Variants in SPAG16 observed in about 807,000 individuals in gnomAD.
SPAG16 encodes the protein sperm associated antigen 16.
Under a neutral mutation model 80.4 loss-of-function variants are expected in SPAG16, and 86 were observed. The ratio of observed to expected loss-of-function variants is 1.07; its 90% CI spans 0.90 to 1.28. The LOEUF (loss-of-function observed/expected upper bound fraction) is 1.28, where lower values mean the gene tolerates loss of function less well. SPAG16 is among the 50% of genes most tolerant of loss of function. The pLI is 0.00. For synonymous variants in SPAG16, 294 were observed against 265.9 expected (o/e 1.11, Z -1.03); for missense variants, 870 against 765.3 (o/e 1.14, Z -1.61).
chr2:213,418,456 T>G (rs918212080), intron 9 of SPAG16, among the ~76,000 whole-genome samples: 6 of 152,224 alleles, frequency 3.9e-5, no homozygotes, highest in Admixed American at 6.5e-5. Context: ...TATCATATTT[T>G]ACATTCTCAT....
intron 15 of SPAG16, among the ~76,000 whole-genome samples, chr2:214,347,808 G>A (rs1286817804): frequency 6.6e-6 from 1 of 152,084 alleles, no homozygotes; most frequent in African/African-American, 2.4e-5. Context: ...ATGAAAAGAG[G>A]CATTTGAACT....
At chr2:214,026,508 A>G (rs564199793) in intron 13 of SPAG16, among the ~76,000 whole-genome samples, 142 of 151,742 alleles carry the variant, frequency 9.4e-4, no homozygotes, top group African/African-American at 3.2e-3. Context: ...GGACACACGT[A>G]TAAGGATATG....
intron 14 of SPAG16, among the ~76,000 whole-genome samples, chr2:214,114,683 G>T (rs1172266996): frequency 2.0e-5 from 3 of 152,190 alleles, no homozygotes; most frequent in Non-Finnish European, 4.4e-5. Context: ...TTGGGCGGGA[G>T]TGTCCCGTTT....
intron 12 of SPAG16, among the ~76,000 whole-genome samples, chr2:213,994,965 TAAAAGAA>T: frequency 6.6e-6 from 1 of 152,268 alleles, no homozygotes; most frequent in East Asian, 1.9e-4. Context: ...TTTCTCTTGA[TAAAAGAA>T]TAAAGAAAAG....
chr2:213,365,988 A>C (rs2066260352), intron 8 of SPAG16, among the ~76,000 whole-genome samples: 1 of 150,284 alleles, frequency 6.7e-6, no homozygotes, highest in East Asian at 2.0e-4. Context: ...TAAAAATACA[A>C]AAAATTAGCT....
At chr2:214,219,228 G>T (rs1280882153) in intron 15 of SPAG16, among the ~76,000 whole-genome samples, 2 of 152,102 alleles carry the variant, frequency 1.3e-5, no homozygotes, top group African/African-American at 4.8e-5. Flanking sequence ...AGATGAATCA[G>T]TGTTGTTATT....
chr2:213,732,340 C>CCCCA (rs1553618761), intron 10 of SPAG16, among the ~76,000 whole-genome samples: 1 of 151,342 alleles, frequency 6.6e-6, no homozygotes, highest in African/African-American at 2.4e-5. Context: ...GCCCCCCCCG[C>CCCCA]AAAAAAAATG....
intron 10 of SPAG16, among the ~76,000 whole-genome samples, chr2:213,572,946 C>A (rs181891962): frequency 8.7e-4 from 132 of 152,298 alleles, no homozygotes; most frequent in African/African-American, 3.0e-3. Flanking sequence ...CATGGTTCGC[C>A]GCTTTTTAAG....
chr2:213,778,524 T>C (rs1403990006), intron 10 of SPAG16, among the ~76,000 whole-genome samples: 1 of 152,168 alleles, frequency 6.6e-6, no homozygotes, highest in African/African-American at 2.4e-5. Flanking sequence ...CTATTATATC[T>C]TCATCCATCT....
chr2:214,218,818 G>A (rs536893693), intron 15 of SPAG16, among the ~76,000 whole-genome samples: 1 of 152,320 alleles, frequency 6.6e-6, no homozygotes, highest in Admixed American at 6.5e-5. Context: ...GCAAGTCACT[G>A]ACAAGTGGGC....
intron 10 of SPAG16, among the ~76,000 whole-genome samples, chr2:213,839,518 T>C (rs1400822794): frequency 2.0e-5 from 3 of 152,232 alleles, no homozygotes; most frequent in African/African-American, 7.2e-5. Context: ...AAATAAGTGA[T>C]CCTTATTATA....
intron 15 of SPAG16, among the ~76,000 whole-genome samples, chr2:214,197,693 A>G (rs958467675): frequency 6.6e-6 from 1 of 151,992 alleles, no homozygotes; most frequent in Non-Finnish European, 1.5e-5. Flanking sequence ...TTGTTTCATC[A>G]GAGTTCTACT....
chr2:213,671,744 T>TG (rs2063820223), intron 10 of SPAG16, among the ~76,000 whole-genome samples: 1 of 152,170 alleles, frequency 6.6e-6, no homozygotes, highest in Non-Finnish European at 1.5e-5. Flanking sequence ...GCCAGGGTGC[T>TG]GCAGGGATGC....
intron 9 of SPAG16, among the ~76,000 whole-genome samples, chr2:213,413,233 T>C (rs1054775523): frequency 6.6e-6 from 1 of 151,806 alleles, no homozygotes; most frequent in East Asian, 1.9e-4. Context: ...TAGAAGTTCA[T>C]GTGTGTCATA....
At chr2:213,633,492 A>G (rs1387364181) in intron 10 of SPAG16, among the ~76,000 whole-genome samples, 3 of 152,134 alleles carry the variant, frequency 2.0e-5, no homozygotes, top group African/African-American at 4.8e-5. Context: ...AATAATATGT[A>G]TTCTGTAGCT....
intron 7 of SPAG16, among the ~76,000 whole-genome samples, chr2:213,355,958 G>A (rs2065627956): frequency 6.6e-6 from 1 of 152,158 alleles, no homozygotes; most frequent in African/African-American, 2.4e-5. Flanking sequence ...AGTTTTCAAA[G>A]GGAATGCTTC....
intron 1 of SPAG16, among the ~76,000 whole-genome samples, chr2:213,290,141 G>A (rs2062211967): frequency 6.6e-6 from 1 of 152,172 alleles, no homozygotes; most frequent in Admixed American, 6.5e-5. Context: ...TGAAAAGATC[G>A]AGAATATCAG....
chr2:213,588,985 CCTT>C (rs1447602803), intron 10 of SPAG16, among the ~76,000 whole-genome samples: 3 of 151,978 alleles, frequency 2.0e-5, no homozygotes, highest in Admixed American at 6.6e-5. Flanking sequence ...CTGATCAACT[CCTT>C]CTTGGAAAAA....
intron 10 of SPAG16, among the ~76,000 whole-genome samples, chr2:213,778,585 A>T (rs1282591399): frequency 6.6e-6 from 1 of 152,024 alleles, no homozygotes; most frequent in Non-Finnish European, 1.5e-5. Flanking sequence ...TACCCAATCC[A>T]CTGGCCATAA....
Sources: gnomAD v4.1 joint callset for allele counts (sites outside exome capture counted in the v4.1 genomes callset) on GRCh38, gnomAD v4.1.1 for gene constraint, MANE v1.5 for transcripts, NCBI Gene and HGNC (gene_info 2026-07-23, HGNC 2026-07-21) for gene names.